ST3GAL1: variants seen among roughly 807,000 people sequenced by gnomAD.
The protein encoded by ST3GAL1 is ST3 beta-galactoside alpha-2,3-sialyltransferase 1.
A neutral mutation model predicts 34.1 loss-of-function variants in ST3GAL1; 16 were observed. The observed-to-expected ratio is 0.47, with a 90% CI of 0.32 to 0.71. The LOEUF (loss-of-function observed/expected upper bound fraction) is 0.71. ST3GAL1 is among the 30% of genes least tolerant of loss of function. The pLI is 0.04. For missense variants in ST3GAL1, 353 were observed against 447.4 expected, an observed-to-expected ratio of 0.79 and a Z score of 1.90; for synonymous variants, 191 against 184.7, an observed-to-expected ratio of 1.03 and a Z score of -0.28.
At position 133,508,585 on chromosome 8, in the gene ST3GAL1, A is replaced by G. The variant is rs1056328302; in HGVS notation, c.-428-9396T>C. Among the ~76,000 whole-genome samples the G allele has an allele frequency of 1.3e-5, 2 of 152,164 alleles. No homozygotes were observed. Among genetic ancestry groups the G allele is most frequent in the African/African-American group, 4.8e-5 (2 of 41,438 alleles). On this transcript the variant is annotated intron_variant, in intron 2 of 9. Coordinates refer to ENST00000522652, the MANE Select transcript of ST3GAL1 (RefSeq NM_173344.3). The surrounding 1 kb of genome is among the most constrained non-coding windows in gnomAD (Gnocchi z 4.1). ...GATCTCTGCAGCGACTGTAAGGAAG[A>G]GACAATCTCAGAAGCAGGGCACTCG... is the stretch of plus-strand genomic sequence containing the variant.
At chr8:133,541,482 C>A (rs1009084545) in intron 2 of ST3GAL1, among the ~76,000 whole-genome samples, 5 of 152,216 alleles carry the variant, frequency 3.3e-5, no homozygotes, top group Admixed American at 3.3e-4. Flanking sequence ...CAGAAACTCT[C>A]ACTCCCACAT....
At chr8:133,497,456 A>ATTTTT (rs1159737986) in intron 3 of ST3GAL1, among the ~76,000 whole-genome samples, 26 of 20,426 alleles carry the variant, frequency 1.3e-3, no homozygotes, top group African/African-American at 4.1e-3. Context: ...TTTTGTTGGA[A>ATTTTT]TTTTTTTTTT....
At chr8:133,477,816 T>C (rs1399351732) in intron 3 of ST3GAL1, among the ~76,000 whole-genome samples, 2 of 152,166 alleles carry the variant, frequency 1.3e-5, no homozygotes, top group East Asian at 3.9e-4. Context: ...TCTGATCGAT[T>C]CCTCCCCATT....
Position 133,456,016 on chromosome 8 carries a change from CCTT to C in ST3GAL1, c.*3745_*3747del, listed in dbSNP as rs1466447846. 8.4e-6 allele frequency: 1 copy of C among 119,582 alleles called. No homozygotes were observed. Among genetic ancestry groups the C allele is most frequent in the African/African-American group, 3.7e-5 (1 of 27,282 alleles). The allele number at this position is 119,582 out of a possible 1,614,324, so 7.4% of individuals were successfully genotyped here. A position where few individuals can be genotyped will look rare whatever the true frequency, so the allele number is the denominator to read the frequency against. The stretch of plus-strand genomic sequence containing the variant: ...ACCCAGATCTTAACTGCCCTCTCCA[CCTT>C]CTTTTTTTTTTTCCCTCCTATTTTA... On this transcript the variant is annotated 3_prime_UTR_variant, in exon 10 of 10. Transcript: ENST00000522652.
chr8:133,526,869 G>T (rs1428667465), intron 2 of ST3GAL1, among the ~76,000 whole-genome samples: 1 of 152,108 alleles, frequency 6.6e-6, no homozygotes, highest in Non-Finnish European at 1.5e-5. Flanking sequence ...AAGCAGGACA[G>T]GAAACCACAT....
At chr8:133,486,154 A>G (rs541238529) in intron 3 of ST3GAL1, among the ~76,000 whole-genome samples, 1 of 152,340 alleles carries the variant, frequency 6.6e-6, no homozygotes, top group South Asian at 2.1e-4. Flanking sequence ...GTAGGTGTAA[A>G]GTCAGGATTA....
chr8:133,559,903 C>T (rs1287507113), intron 1 of ST3GAL1, among the ~76,000 whole-genome samples: 2 of 152,150 alleles, frequency 1.3e-5, no homozygotes, highest in African/African-American at 2.4e-5. Context: ...CCTCAATCCC[C>T]AGGCACCTTG....
At chr8:133,519,096 C>G (rs1817725663) in intron 2 of ST3GAL1, among the ~76,000 whole-genome samples, 1 of 151,878 alleles carries the variant, frequency 6.6e-6, no homozygotes, top group African/African-American at 2.4e-5. Flanking sequence ...AAAGGGAGGA[C>G]AGAGGGGCCT....
At chr8:133,545,737 C>T (rs1280012431) in intron 2 of ST3GAL1, 37 bp downstream of exon 2, 3 of 152,198 alleles carry the variant, frequency 2.0e-5, no homozygotes, top group Non-Finnish European at 4.4e-5. Context: ...AAAGACAGCA[C>T]ATCTCACTTG....
At chr8:133,567,686 C>T (rs1341917134) in intron 1 of ST3GAL1, among the ~76,000 whole-genome samples, 5 of 152,140 alleles carry the variant, frequency 3.3e-5, no homozygotes, top group Admixed American at 3.3e-4. Context: ...TAGAAAATGA[C>T]TTTGCCAAGC....
At chr8:133,563,755 C>A (rs1270717992) in intron 1 of ST3GAL1, among the ~76,000 whole-genome samples, 1 of 152,272 alleles carries the variant, frequency 6.6e-6, no homozygotes, top group South Asian at 2.1e-4. Flanking sequence ...AAACACACTC[C>A]CGGGTGGAGA....
intron 2 of ST3GAL1, among the ~76,000 whole-genome samples, chr8:133,540,896 CATATATATAGACATATATATAGACAT>C (rs2131064166): frequency 1.2e-5 from 1 of 81,870 alleles, no homozygotes; most frequent in South Asian, 3.6e-4. Flanking sequence ...TATATATAGA[CATATATATAGACATATATATAGACAT>C]ATATATATAG....
At chr8:133,547,760 T>TA (rs1818711024) in intron 1 of ST3GAL1, among the ~76,000 whole-genome samples, 1 of 152,222 alleles carries the variant, frequency 6.6e-6, no homozygotes, top group African/African-American at 2.4e-5. Context: ...AGCTGACTGA[T>TA]ACAACCACTG....
rs368672949 is a variant in ST3GAL1, at chr8:133,466,014, A to G, written c.383T>C (p.Val128Ala). The G allele has an allele frequency of 2.2e-5, 35 of 1,614,108 alleles. No homozygotes were observed. In the African/African-American group the frequency reaches 4.1e-4, roughly 19 times the overall value. The change falls in exon 6 of 10, where the codon GTG (valine) becomes GCG (alanine). Residue 128 changes from valine (V) to alanine (A), a missense_variant. By Grantham distance (64) the Val-to-Ala change is moderately conservative. Coordinates refer to ENST00000522652, the MANE Select transcript of ST3GAL1 (RefSeq NM_173344.3). This position sits in a 1 kb window ranked among gnomAD's most constrained non-coding sequence, Gnocchi z 4.4. Reference sequence around the variant, plus strand: ...CGACCTCTTCTCCAGCATAGGGTCCACATTCCCAGGCACCACTCTGAACAG... The same window carrying G: ...CGACCTCTTCTCCAGCATAGGGTCCGCATTCCCAGGCACCACTCTGAACAG... ...KELFRVVPGN[V>A]DPMLEKRSVG...
Position 133,540,878 on chromosome 8 carries a change from TAG to T in ST3GAL1, c.-429+4894_-429+4895del, listed in dbSNP as rs35296442. On this transcript the variant is annotated intron_variant, in intron 2 of 9. Coordinates refer to ENST00000522652, the MANE Select transcript of ST3GAL1 (RefSeq NM_173344.3). ...AGACATATATATAGAGACATATATA[TAG>T]AGACATATATATAGACATATATATA... Among the ~76,000 whole-genome samples, 104 of 63,456 alleles carry T rather than the reference TAG, an allele frequency of 1.6e-3. 3 individuals carry two copies. Among genetic ancestry groups the T allele is most frequent in the African/African-American group, 2.5e-3 (37 of 14,524 alleles). The allele number at this position is 63,456 out of a possible 152,430, so 41.6% of individuals were successfully genotyped here. A position where few individuals can be genotyped will look rare whatever the true frequency, so the allele number is the denominator to read the frequency against.
intron 2 of ST3GAL1, among the ~76,000 whole-genome samples, chr8:133,530,319 T>C (rs1045505561): frequency 3.3e-5 from 5 of 151,806 alleles, no homozygotes; most frequent in Admixed American, 3.3e-4. Context: ...TTTGCTCTTG[T>C]GGCCCAGGCT....
intron 5 of ST3GAL1, among the ~76,000 whole-genome samples, chr8:133,474,284 G>A (rs1816074817): frequency 6.6e-6 from 1 of 152,032 alleles, no homozygotes; most frequent in African/African-American, 2.4e-5. Flanking sequence ...AGCACCTATG[G>A]TCCTGGCTTG....
At chr8:133,525,501 C>T (rs982501565) in intron 2 of ST3GAL1, among the ~76,000 whole-genome samples, 8 of 152,180 alleles carry the variant, frequency 5.3e-5, no homozygotes, top group Non-Finnish European at 7.4e-5. Flanking sequence ...AGGCTTCAGG[C>T]TGTCCCTGGG....
At chr8:133,551,548 AAGAAAG>A (rs1818848350) in intron 1 of ST3GAL1, among the ~76,000 whole-genome samples, 1 of 36,374 alleles carries the variant, frequency 2.7e-5, no homozygotes, top group Non-Finnish European at 5.7e-5. Context: ...GAAGGAAAGA[AAGAAAG>A]AAAGAAAGAA....
Sources: allele counts gnomAD v4.1 joint callset (sites outside exome capture counted in the v4.1 genomes callset), GRCh38; gene constraint gnomAD v4.1.1; non-coding constraint Gnocchi (gnomAD v3.1); transcripts MANE v1.5; gene names NCBI Gene and HGNC (gene_info 2026-07-23, HGNC 2026-07-21).